The following GABRG3 variants were observed in gnomAD, a reference collection of about 807,000 sequenced individuals.
The protein encoded by GABRG3 is gamma-aminobutyric acid type A receptor subunit gamma3, also known as gamma-aminobutyric acid receptor subunit gamma-3.
Under a neutral mutation model 48.8 loss-of-function variants are expected in GABRG3, and 25 were observed. That is an observed-to-expected ratio of 0.51 (90% CI 0.37 to 0.72). GABRG3 has a LOEUF of 0.72. Ranked by LOEUF, GABRG3 falls within the 30% of genes least tolerant of loss-of-function variation. The pLI, the probability that GABRG3 is intolerant of heterozygous loss-of-function variation, is 0.00. For synonymous variants in GABRG3, 227 were observed against 217.6 expected, an observed-to-expected ratio of 1.04 and a Z score of -0.38; for missense variants, 394 against 577.9, an observed-to-expected ratio of 0.68 and a Z score of 3.26.
intron 3 of GABRG3, among the ~76,000 whole-genome samples, chr15:27,284,478 G>C (rs947073028): frequency 6.6e-6 from 1 of 152,180 alleles, no homozygotes; most frequent in African/African-American, 2.4e-5. Flanking sequence ...GACATTTTCT[G>C]TGTGTAACCT....
intron 5 of GABRG3, among the ~76,000 whole-genome samples, chr15:27,393,331 G>C (rs561621307): frequency 1.4e-5 from 2 of 139,042 alleles, no homozygotes; most frequent in African/African-American, 5.4e-5. Flanking sequence ...GTGACAGAGC[G>C]AGACTCCGTC....
At chr15:27,154,827 A>T (rs1898388470) in intron 3 of GABRG3, among the ~76,000 whole-genome samples, 1 of 152,040 alleles carries the variant, frequency 6.6e-6, no homozygotes, top group Non-Finnish European at 1.5e-5. Context: ...TGATATCAGG[A>T]TGATGGGGCT....
At chr15:27,168,266 C>G (rs1426556881) in intron 3 of GABRG3, among the ~76,000 whole-genome samples, 11 of 152,106 alleles carry the variant, frequency 7.2e-5, no homozygotes, top group African/African-American at 2.7e-4. Flanking sequence ...GGTTGAAGCT[C>G]TCATTCAATC....
chr15:26,979,804 T>C (rs1194854874), intron 2 of GABRG3, among the ~76,000 whole-genome samples: 1 of 151,916 alleles, frequency 6.6e-6, no homozygotes, highest in African/African-American at 2.4e-5. Context: ...GATTTTTGCA[T>C]GTCTATGTTT....
intron 5 of GABRG3, among the ~76,000 whole-genome samples, chr15:27,344,842 T>G (rs1281748982): frequency 6.6e-6 from 1 of 152,172 alleles, no homozygotes; most frequent in Non-Finnish European, 1.5e-5. Flanking sequence ...CTCTTTCAAT[T>G]CTTCCAGTTT....
At chr15:27,130,868 G>A (rs1157740987) in intron 3 of GABRG3, among the ~76,000 whole-genome samples, 1 of 151,916 alleles carries the variant, frequency 6.6e-6, no homozygotes, top group Non-Finnish European at 1.5e-5. Flanking sequence ...TTTGTATACT[G>A]TCCTGTAACT....
chr15:27,057,865 A>C (rs1462963636), intron 3 of GABRG3, among the ~76,000 whole-genome samples: 1 of 152,232 alleles, frequency 6.6e-6, no homozygotes. Flanking sequence ...TTCCATGCAC[A>C]TCCACTACCA....
At chr15:27,036,215 G>A (rs999523523) in intron 3 of GABRG3, among the ~76,000 whole-genome samples, 6 of 152,204 alleles carry the variant, frequency 3.9e-5, no homozygotes, top group Non-Finnish European at 7.3e-5. Flanking sequence ...TGGCCACCCC[G>A]TGAAGGTTTC....
chr15:27,510,245 A>G (rs1890864025), intron 6 of GABRG3, among the ~76,000 whole-genome samples: 1 of 152,178 alleles, frequency 6.6e-6, no homozygotes, highest in South Asian at 2.1e-4. Context: ...AGTAAGGCTC[A>G]GTCTTAGGCA....
At chr15:26,988,485 A>G (rs1251750033) in intron 2 of GABRG3, among the ~76,000 whole-genome samples, 5 of 152,138 alleles carry the variant, frequency 3.3e-5, no homozygotes, top group African/African-American at 1.2e-4. Flanking sequence ...TTAGTATGGT[A>G]TATACGTCTT....
At chr15:27,151,416 C>A (rs929521609) in intron 3 of GABRG3, among the ~76,000 whole-genome samples, 2 of 150,964 alleles carry the variant, frequency 1.3e-5, no homozygotes, top group Non-Finnish European at 2.9e-5. Context: ...TTGTGAATAT[C>A]AATAGATGGT....
At chr15:27,350,349 C>T (rs1192216119) in intron 5 of GABRG3, 1 of 348,982 alleles carries the variant, frequency 2.9e-6, no homozygotes, top group Non-Finnish European at 5.7e-6. Context: ...CGCGTGTTCT[C>T]ACTACTCAAC....
At chr15:27,104,548 A>G (rs1453812956) in intron 3 of GABRG3, among the ~76,000 whole-genome samples, 1 of 152,238 alleles carries the variant, frequency 6.6e-6, no homozygotes, top group Non-Finnish European at 1.5e-5. Context: ...TGGTATGTCT[A>G]GTGACGTGCT....
intron 2 of GABRG3, among the ~76,000 whole-genome samples, chr15:27,000,951 G>A (rs533846391): frequency 7.5e-4 from 114 of 152,270 alleles, no homozygotes; most frequent in Non-Finnish European, 1.4e-3. Context: ...CAGTCATATG[G>A]GGAGACTGGA....
chr15:27,308,429 A>C (rs988983571), intron 3 of GABRG3, among the ~76,000 whole-genome samples: 93 of 146,146 alleles, frequency 6.4e-4, no homozygotes, highest in Non-Finnish European at 2.1e-4. Context: ...TAATGTAAAC[A>C]TACCTGTTTA....
chr15:27,191,809 T>TGAGAC (rs1888318275), intron 3 of GABRG3, among the ~76,000 whole-genome samples: 1 of 152,168 alleles, frequency 6.6e-6, no homozygotes, highest in African/African-American at 2.4e-5. Flanking sequence ...TGATGCAGTT[T>TGAGAC]CTTCCTAGTC....
At position 27,406,698 on chromosome 15, in the gene GABRG3, A is replaced by T. The variant is rs565068958; in HGVS notation, c.575-73952A>T. Among the ~76,000 whole-genome samples, 4 of 152,312 alleles carry T rather than the reference A, an allele frequency of 2.6e-5. No individual in the cohort carries two copies. In the South Asian group the frequency reaches 8.3e-4, roughly 32 times the overall value. ...AGAGAACACAGATAATCGTAGTGGGATCCAAGGCTGAATTCTGGAACGTCA... is the reference window on the plus strand; with the variant it reads ...AGAGAACACAGATAATCGTAGTGGGTTCCAAGGCTGAATTCTGGAACGTCA... On this transcript the variant is annotated intron_variant, in intron 5 of 9. Transcript: ENST00000615808.
rs192979552 is a variant in GABRG3 at position 27,376,959 on chromosome 15, C to G, written c.574+48071C>G. ...TTTCCAAACTTTTATGCTCTGTTTC[C>G]CTTTTAAAACTGAATGCCTTTGACA... On this transcript the variant is annotated intron_variant, in intron 5 of 9. Transcript: ENST00000615808. Among the ~76,000 whole-genome samples the G allele has an allele frequency of 2.6e-5, 4 of 152,214 alleles. No individual in the cohort carries two copies. The East Asian group carries it at 7.7e-4, about 29-fold the overall frequency.
At chr15:27,390,642 T>C (rs1160536284) in intron 5 of GABRG3, among the ~76,000 whole-genome samples, 1 of 152,208 alleles carries the variant, frequency 6.6e-6, no homozygotes, top group Non-Finnish European at 1.5e-5. Flanking sequence ...TGGTGTCCTA[T>C]GGTGAGTCTG....
Sources: gnomAD v4.1 joint callset for allele counts (sites outside exome capture counted in the v4.1 genomes callset) on GRCh38, gnomAD v4.1.1 for gene constraint, MANE v1.5 for transcripts, NCBI Gene and HGNC (gene_info 2026-07-23, HGNC 2026-07-21) for gene names.